NCKAP5: variants seen among roughly 807,000 people sequenced by gnomAD.
The protein encoded by NCKAP5 is NCK associated protein 5, also known as nck-associated protein 5.
In NCKAP5, 92 loss-of-function variants were observed where a neutral mutation model predicts 167.0. The ratio of observed to expected loss-of-function variants is 0.55; its 90% CI spans 0.47 to 0.66. The LOEUF is 0.66. NCKAP5 is among the 30% of genes least tolerant of loss of function. The pLI, the probability that NCKAP5 is intolerant of heterozygous loss-of-function variation, is 0.00. For missense variants in NCKAP5, 2,378 were observed against 2,315.0 expected (o/e 1.03, Z -0.56); for synonymous variants, 891 against 877.4 (o/e 1.02, Z -0.27).
chr2:133,400,280 ACCCGCTGCC>A (rs1231053898), intron 3 of NCKAP5, among the ~76,000 whole-genome samples: 1 of 152,020 alleles, frequency 6.6e-6, no homozygotes, highest in African/African-American at 2.4e-5. Context: ...GCTGAATGGT[ACCCGCTGCC>A]CCCCTAAAAA....
At chr2:132,918,226 C>T (rs1695033172) in intron 8 of NCKAP5, among the ~76,000 whole-genome samples, 2 of 152,132 alleles carry the variant, frequency 1.3e-5, no homozygotes, top group South Asian at 4.1e-4. Context: ...GGATCTGGTA[C>T]CATTTTCTTC....
At chr2:133,316,337 A>G (rs1681608641) in intron 3 of NCKAP5, among the ~76,000 whole-genome samples, 1 of 152,224 alleles carries the variant, frequency 6.6e-6, no homozygotes, top group East Asian at 1.9e-4. Flanking sequence ...TTTTAGAAAC[A>G]GAGCAGATGG....
intron 3 of NCKAP5, among the ~76,000 whole-genome samples, chr2:133,444,156 T>C (rs1320008963): frequency 3.3e-5 from 5 of 152,302 alleles, no homozygotes; most frequent in East Asian, 3.9e-4. Flanking sequence ...TCCAGTGGTA[T>C]GTCCCATTCT....
chr2:133,064,817 C>T (rs1008277118), intron 6 of NCKAP5, among the ~76,000 whole-genome samples: 1 of 152,142 alleles, frequency 6.6e-6, no homozygotes. Flanking sequence ...CTGAGCATAG[C>T]CCCTTAGTAA....
intron 2 of NCKAP5, among the ~76,000 whole-genome samples, chr2:133,530,117 G>A (rs373084961): frequency 2.0e-4 from 30 of 152,134 alleles, no homozygotes; most frequent in Admixed American, 6.5e-4. Flanking sequence ...GTAAACCTAC[G>A]TAAAGCATAG....
At chr2:133,232,795 G>A (rs2087212967) in intron 4 of NCKAP5, among the ~76,000 whole-genome samples, 1 of 152,028 alleles carries the variant, frequency 6.6e-6, no homozygotes, top group Non-Finnish European at 1.5e-5. Flanking sequence ...TATTTCCTTT[G>A]GCACTGACTA....
intron 6 of NCKAP5, among the ~76,000 whole-genome samples, chr2:133,024,450 T>C (rs2078629093): frequency 6.6e-6 from 1 of 152,190 alleles, no homozygotes; most frequent in Non-Finnish European, 1.5e-5. Context: ...TAAGCAAACA[T>C]AAACTATGGC....
chr2:132,882,836 G>A (rs1447559), intron 8 of NCKAP5, among the ~76,000 whole-genome samples: 7,439 of 151,950 alleles, frequency 0.049, 395 homozygotes, highest in African/African-American at 0.12. Context: ...TCTACCTCTC[G>A]AAGATTCTTT....
At chr2:132,933,852 G>GA (rs200162883) in intron 8 of NCKAP5, among the ~76,000 whole-genome samples, 1 of 151,660 alleles carries the variant, frequency 6.6e-6, no homozygotes, top group Non-Finnish European at 1.5e-5. Context: ...TTCAGAGGGG[G>GA]AAAAAAAAGA....
At position 133,473,326 on chromosome 2, in the gene NCKAP5, C is replaced by T. The variant is rs553895139; in HGVS notation, c.69+44132G>A. ...CAGCCTGGGCGACAGAGCGAGACTCCGTCTCAAAAAAAAAAAAATTAATTA... is the reference window on the plus strand; with the variant it reads ...CAGCCTGGGCGACAGAGCGAGACTCTGTCTCAAAAAAAAAAAAATTAATTA... On this transcript the variant is annotated intron_variant, in intron 3 of 19. Transcript: ENST00000409261. Among the ~76,000 whole-genome samples the T allele has an allele frequency of 1.9e-3, 277 of 144,364 alleles. 1 individual carries two copies. The highest frequency in any genetic ancestry group is 6.7e-3 in the African/African-American group (237 of 35,336). 94.7% of individuals were successfully genotyped at this position (144,364 alleles called of 152,430 possible). A position where few individuals can be genotyped will look rare whatever the true frequency, so the allele number is the denominator to read the frequency against.
intron 6 of NCKAP5, among the ~76,000 whole-genome samples, chr2:133,013,002 T>C (rs2078215854): frequency 6.6e-6 from 1 of 152,194 alleles, no homozygotes; most frequent in Non-Finnish European, 1.5e-5. Context: ...CTGCCAGCCC[T>C]GGGCAGCATT....
intron 5 of NCKAP5, among the ~76,000 whole-genome samples, chr2:133,207,756 T>C (rs1221383464): frequency 1.3e-5 from 2 of 152,138 alleles, no homozygotes; most frequent in Non-Finnish European, 2.9e-5. Context: ...TGCTTTACAA[T>C]GCAAAGTATA....
intron 5 of NCKAP5, among the ~76,000 whole-genome samples, chr2:133,163,240 C>T (rs530043955): frequency 3.9e-5 from 6 of 152,294 alleles, no homozygotes; most frequent in East Asian, 3.9e-4. Context: ...TGATTGGTCC[C>T]GAAGGCCCCA....
intron 6 of NCKAP5, among the ~76,000 whole-genome samples, chr2:133,091,819 G>A (rs543879253): frequency 1.2e-3 from 179 of 151,894 alleles, no homozygotes; most frequent in African/African-American, 4.0e-3. Flanking sequence ...CCTGGGAGGC[G>A]GAGCTTGCAG....
At chr2:133,469,559 C>A (rs960697263) in intron 3 of NCKAP5, among the ~76,000 whole-genome samples, 4 of 152,054 alleles carry the variant, frequency 2.6e-5, no homozygotes, top group African/African-American at 9.7e-5. Flanking sequence ...TGTTGGCCTA[C>A]CTTGCTAGAT....
At chr2:133,604,985 C>G in the NCKAP5 span, among the ~76,000 whole-genome samples, 1 of 152,246 alleles carries the variant, frequency 6.6e-6, no homozygotes, top group Non-Finnish European at 1.5e-5. Context: ...CTTCCCTTCC[C>G]TCTTCCCATG....
At chr2:133,166,189 G>A (rs773574593) in intron 5 of NCKAP5, among the ~76,000 whole-genome samples, 2 of 152,082 alleles carry the variant, frequency 1.3e-5, no homozygotes, top group African/African-American at 4.8e-5. Context: ...AACTGGGAGA[G>A]AAACATTCCA....
intron 3 of NCKAP5, among the ~76,000 whole-genome samples, chr2:133,432,545 C>A (rs1690227938): frequency 6.6e-6 from 1 of 152,142 alleles, no homozygotes; most frequent in South Asian, 2.1e-4. Context: ...ATGGACTCGG[C>A]TCCAAATACA....
intron 11 of NCKAP5, among the ~76,000 whole-genome samples, chr2:132,830,540 G>T (rs890968426): frequency 6.6e-6 from 1 of 152,012 alleles, no homozygotes; most frequent in African/African-American, 2.4e-5. Context: ...GGTATTTTGG[G>T]CCTATAAGGC....
Sources: allele counts gnomAD v4.1 joint callset (sites outside exome capture counted in the v4.1 genomes callset), GRCh38; gene constraint gnomAD v4.1.1; transcripts MANE v1.5; gene names NCBI Gene and HGNC (gene_info 2026-07-23, HGNC 2026-07-21).